Variants in ZFAND3 observed in about 807,000 individuals in gnomAD.
ZFAND3 encodes the protein AN1-type zinc finger protein 3.
In ZFAND3, 10 loss-of-function variants were observed where a neutral mutation model predicts 29.6. The ratio of observed to expected loss-of-function variants is 0.34; its 90% CI spans 0.21 to 0.57. The LOEUF (loss-of-function observed/expected upper bound fraction) is 0.57, where lower values mean the gene tolerates loss of function less well. Ranked by LOEUF, ZFAND3 falls within the 20% of genes least tolerant of loss-of-function variation. ZFAND3 has a pLI of 0.86. For synonymous variants in ZFAND3, 128 were observed against 112.6 expected, an observed-to-expected ratio of 1.14 and a Z score of -0.87; for missense variants, 230 against 304.5, an observed-to-expected ratio of 0.76 and a Z score of 1.82.
At chr6:37,964,081 G>A (rs1457111326) in intron 2 of ZFAND3, among the ~76,000 whole-genome samples, 2 of 151,824 alleles carry the variant, frequency 1.3e-5, no homozygotes, top group Non-Finnish European at 2.9e-5. Flanking sequence ...CCCCCCTCAG[G>A]TTTTCCTTGT....
chr6:37,944,883 A>C (rs983054823), intron 2 of ZFAND3, among the ~76,000 whole-genome samples: 1 of 152,216 alleles, frequency 6.6e-6, no homozygotes, highest in Non-Finnish European at 1.5e-5. Context: ...TGAAAAGTAC[A>C]TGCTCAAGAA....
intron 3 of ZFAND3, among the ~76,000 whole-genome samples, chr6:38,062,941 T>C (rs1354401271): frequency 1.3e-5 from 2 of 151,150 alleles, no homozygotes; most frequent in Admixed American, 1.3e-4. Context: ...AAAAAAAAAT[T>C]AGCCAGGCGT....
At chr6:38,082,572 G>A (rs898393494) in intron 4 of ZFAND3, 115 bp downstream of exon 4, 2 of 930,864 alleles carry the variant, frequency 2.1e-6, no homozygotes, top group Non-Finnish European at 3.2e-6. Context: ...CGTCAGTTGT[G>A]AGGTGATATG....
At chr6:37,869,828 TAAAAA>T (rs1234676333) in intron 1 of ZFAND3, among the ~76,000 whole-genome samples, 2 of 144,366 alleles carry the variant, frequency 1.4e-5, no homozygotes, top group Non-Finnish European at 3.1e-5. Flanking sequence ...TTGTTAATCT[TAAAAA>T]AAAAAAAAAT....
chr6:37,857,217 G>A (rs562236714), intron 1 of ZFAND3, among the ~76,000 whole-genome samples: 1 of 152,198 alleles, frequency 6.6e-6, no homozygotes, highest in South Asian at 2.1e-4. Context: ...AATAGCCCAC[G>A]TTCAGATATG....
chr6:38,064,387 T>C (rs946876184), intron 3 of ZFAND3, among the ~76,000 whole-genome samples: 2 of 152,266 alleles, frequency 1.3e-5, no homozygotes, highest in Non-Finnish European at 2.9e-5. Context: ...AGTGTCATTA[T>C]ACTCATTCCA....
chr6:37,991,499 C>T (rs1464870441), intron 2 of ZFAND3, among the ~76,000 whole-genome samples: 1 of 151,984 alleles, frequency 6.6e-6, no homozygotes, highest in Non-Finnish European at 1.5e-5. Flanking sequence ...ATTACAGGCG[C>T]CTGCCACTAC....
intron 2 of ZFAND3, among the ~76,000 whole-genome samples, chr6:37,968,374 A>T (rs1445210176): frequency 6.8e-6 from 1 of 146,692 alleles, no homozygotes; most frequent in Non-Finnish European, 1.5e-5. Flanking sequence ...AACAAGATAG[A>T]GAGGTGGGTT....
intron 4 of ZFAND3, among the ~76,000 whole-genome samples, chr6:38,097,269 T>TA (rs1554179119): frequency 0.041 from 6,167 of 149,768 alleles, 392 homozygotes; most frequent in African/African-American, 0.13. Context: ...TTTTTTTTTT[T>TA]AAGAGACGGA....
At chr6:37,964,600 G>A (rs1178285891) in intron 2 of ZFAND3, among the ~76,000 whole-genome samples, 1 of 152,160 alleles carries the variant, frequency 6.6e-6, no homozygotes, top group Non-Finnish European at 1.5e-5. Flanking sequence ...ATGTATTCTT[G>A]TATGCAGTTT....
intron 2 of ZFAND3, among the ~76,000 whole-genome samples, chr6:37,997,798 C>T (rs1016058951): frequency 5.3e-5 from 8 of 152,092 alleles, no homozygotes; most frequent in African/African-American, 1.9e-4. Flanking sequence ...TTCATAGGTC[C>T]GTCAGCTTTG....
intron 3 of ZFAND3, among the ~76,000 whole-genome samples, chr6:38,063,125 A>T (rs1561985577): frequency 6.6e-6 from 1 of 152,144 alleles, no homozygotes; most frequent in African/African-American, 2.4e-5. Flanking sequence ...TTCAAGTTTC[A>T]TGAATATCTA....
At chr6:37,931,992 C>T (rs776677611) in intron 2 of ZFAND3, among the ~76,000 whole-genome samples, 16 of 152,122 alleles carry the variant, frequency 1.1e-4, no homozygotes, top group South Asian at 4.1e-4. Context: ...GTATTCAGGC[C>T]GGGCGCAGTG....
chr6:38,013,684 TACTGGTTTTAAA>T (rs1654005573), intron 2 of ZFAND3, among the ~76,000 whole-genome samples: 1 of 151,856 alleles, frequency 6.6e-6, no homozygotes, highest in Non-Finnish European at 1.5e-5. Context: ...AGCCCTGAAA[TACTGGTTTTAAA>T]ACTTAGCCAC....
chr6:38,095,568 G>T (rs779010381), intron 4 of ZFAND3, among the ~76,000 whole-genome samples: 1 of 151,944 alleles, frequency 6.6e-6, no homozygotes, highest in Non-Finnish European at 1.5e-5. Flanking sequence ...GTAAGCCCGC[G>T]GTGACATCCT....
intron 5 of ZFAND3, among the ~76,000 whole-genome samples, chr6:38,151,639 G>A (rs1215383102): frequency 4.6e-5 from 7 of 152,192 alleles, no homozygotes; most frequent in Admixed American, 1.3e-4. Flanking sequence ...TGGAGATGGC[G>A]ATTGGAGCCC....
intron 2 of ZFAND3, among the ~76,000 whole-genome samples, chr6:38,047,710 T>C (rs1581870029): frequency 1.3e-5 from 2 of 152,324 alleles, no homozygotes; most frequent in South Asian, 4.1e-4. Context: ...GTTCCATTTC[T>C]CTTTTCCCTT....
At chr6:38,145,077 AG>A (rs1198867549) in intron 5 of ZFAND3, among the ~76,000 whole-genome samples, 1 of 152,186 alleles carries the variant, frequency 6.6e-6, no homozygotes, top group East Asian at 1.9e-4. Flanking sequence ...GCCTCAGCCA[AG>A]GGTAGAGGCC....
chr6:38,062,798 T>G (rs1764267452), intron 3 of ZFAND3: 1 of 152,110 alleles, frequency 6.6e-6, no homozygotes, highest in Non-Finnish European at 1.5e-5. Context: ...TTGTTGAAAA[T>G]TATAGGGATA....
Sources: allele counts gnomAD v4.1 joint callset (sites outside exome capture counted in the v4.1 genomes callset), GRCh38; gene constraint gnomAD v4.1.1; transcripts MANE v1.5; gene names NCBI Gene and HGNC (gene_info 2026-07-23, HGNC 2026-07-21).